Variants in RNF168 observed in about 807,000 individuals in gnomAD.
RNF168 encodes the protein E3 ubiquitin-protein ligase RNF168.
In RNF168, 34 loss-of-function variants were observed where a neutral mutation model predicts 34.9. The ratio of observed to expected loss-of-function variants is 0.97; its 90% confidence interval spans 0.74 to 1.30. The LOEUF (loss-of-function observed/expected upper bound fraction) is 1.30, where lower values mean the gene tolerates loss of function less well. Ranked by LOEUF, RNF168 falls within the 50% of genes most tolerant of loss-of-function variation. The probability of loss-of-function intolerance (pLI) is 0.00; values close to 1 mark genes in which losing one functional copy is unlikely to be tolerated. For missense variants in RNF168, 725 were observed against 682.5 expected (o/e 1.06, Z -0.69); for synonymous variants, 264 against 254.7 (o/e 1.04, Z -0.35).
rs759367353 is a variant in RNF168, at chr3:196,503,630, G to A, written c.-457C>T. ...GCTGCAGCATAACTTCCGCTTTACC[G>A]CTGCTGCGGGGGAGACGCGCGACTC... On this transcript the variant is annotated 5_prime_UTR_variant, in exon 1 of 6. Transcript: ENST00000318037. 5 of 223,038 alleles carry A rather than the reference G, an allele frequency of 2.2e-5. No individual in the cohort carries two copies. In the Admixed American group the frequency reaches 2.6e-4, roughly 12 times the overall value. The allele number at this position is 223,038 out of a possible 1,614,324, so 13.8% of individuals were successfully genotyped here. A position where few individuals can be genotyped will look rare whatever the true frequency, so the allele number is the denominator to read the frequency against.
At chr3:196,499,448 T>C (rs944731082) in intron 1 of RNF168, among the ~76,000 whole-genome samples, 1 of 152,194 alleles carries the variant, frequency 6.6e-6, no homozygotes, top group Non-Finnish European at 1.5e-5. Flanking sequence ...TCGTGGTACT[T>C]TGTTACAGTA....
At chr3:196,491,308 G>A (rs577557256) in intron 1 of RNF168, among the ~76,000 whole-genome samples, 11 of 151,630 alleles carry the variant, frequency 7.3e-5, no homozygotes, top group Middle Eastern at 3.4e-3. Flanking sequence ...GGGAGATTCC[G>A]TCTCAAAACA....
Position 196,500,542 on chromosome 3 carries a change from T to C in RNF168, c.301+2331A>G, listed in dbSNP as rs142066307. On this transcript the variant is annotated intron_variant, in intron 1 of 5. Transcript: ENST00000318037. ...GAGCCTCAAGGGTGTGGAAATTCAG[T>C]TTGGGAGGATTAAAAAGTTCTGGAG... is the stretch of plus-strand genomic sequence containing the variant. Among the ~76,000 whole-genome samples the C allele has an allele frequency of 1.0e-3, 156 of 152,198 alleles. 1 individual carries two copies. Among genetic ancestry groups the C allele is most frequent in the Non-Finnish European group, 2.0e-3 (134 of 68,008 alleles).
At chr3:196,479,621 C>T (rs181307733) in intron 4 of RNF168, among the ~76,000 whole-genome samples, 6 of 151,448 alleles carry the variant, frequency 4.0e-5, no homozygotes, top group Admixed American at 1.3e-4. Flanking sequence ...TTTTTTGAGA[C>T]GGACTATCGC....
chr3:196,488,750 A>C, intron 1 of RNF168, 67 bp from the exon 2 acceptor site: 1 of 991,084 alleles, frequency 1.0e-6, no homozygotes. Context: ...TTGGTCTTCC[A>C]TTAAAACGAA....
rs539679688 is a variant in RNF168, at chr3:196,488,280, G to A, written c.378+327C>T. On this transcript the variant is annotated intron_variant, in intron 2 of 5. Coordinates refer to ENST00000318037, the MANE Select transcript of RNF168 (RefSeq NM_152617.4). ...GCGGATCACAAGGTCAGGAGATCGAGACCATCCTGGTGAACACTGTGAAAC... is the reference window on the plus strand; with the variant it reads ...GCGGATCACAAGGTCAGGAGATCGAAACCATCCTGGTGAACACTGTGAAAC... Among the ~76,000 whole-genome samples, 7 of 152,164 alleles carry A rather than the reference G, an allele frequency of 4.6e-5. No individual in the cohort carries two copies. In the East Asian group the frequency reaches 1.4e-3, roughly 29 times the overall value.
chr3:196,477,616 T>G (rs1210563295), intron 4 of RNF168, among the ~76,000 whole-genome samples: 1 of 152,244 alleles, frequency 6.6e-6, no homozygotes, highest in Non-Finnish European at 1.5e-5. Context: ...GCGGGACCAC[T>G]ACTTACGAAG....
At position 196,503,373 on chromosome 3, in the gene RNF168, C is replaced by T. The variant is rs558454065; in HGVS notation, c.-200G>A. 3.3e-6 allele frequency: 2 copies of T among 604,606 alleles called. No individual in the cohort carries two copies. The highest frequency in any genetic ancestry group is 5.6e-5 in the East Asian group (2 of 35,484). 37.5% of individuals were successfully genotyped at this position (604,606 alleles called of 1,614,324 possible). A position where few individuals can be genotyped will look rare whatever the true frequency, so the allele number is the denominator to read the frequency against. ...CAGGGTCAGGCAAACAGGAATACCCCGGAGGGCGGCGTCTTTGTCCATTTT... is the reference window on the plus strand; with the variant it reads ...CAGGGTCAGGCAAACAGGAATACCCTGGAGGGCGGCGTCTTTGTCCATTTT... On this transcript the variant is annotated 5_prime_UTR_variant, in exon 1 of 6. Transcript: ENST00000318037.
chr3:196,488,518 G>T, intron 2 of RNF168, 89 bp downstream of exon 2: 4 of 754,404 alleles, frequency 5.3e-6, no homozygotes, highest in Non-Finnish European at 4.6e-6. Flanking sequence ...AGATATACTA[G>T]TTATATAAGC....
At chr3:196,499,155 A>AT (rs1732820241) in intron 1 of RNF168, among the ~76,000 whole-genome samples, 3 of 152,084 alleles carry the variant, frequency 2.0e-5, no homozygotes, top group African/African-American at 7.2e-5. Context: ...TTAATCCAAT[A>AT]TAACTAGTGT....
chr3:196,494,256 G>A (rs73219640), intron 1 of RNF168, among the ~76,000 whole-genome samples: 7,164 of 152,162 alleles, frequency 0.047, 260 homozygotes, highest in Middle Eastern at 0.17. Context: ...AACAACTCTC[G>A]ACACTCTTCA....
intron 4 of RNF168, among the ~76,000 whole-genome samples, chr3:196,477,977 T>C (rs1732186547): frequency 6.6e-6 from 1 of 151,862 alleles, no homozygotes; most frequent in South Asian, 2.1e-4. Flanking sequence ...CCAGCTACTC[T>C]GAAGGCTGAG....
chr3:196,502,047 A>C (rs1372395394), intron 1 of RNF168, among the ~76,000 whole-genome samples: 3 of 145,844 alleles, frequency 2.1e-5, no homozygotes, highest in African/African-American at 5.1e-5. Flanking sequence ...GTGACCAAAA[A>C]AAATTAGAAA....
chr3:196,483,208 C>T (rs1732339090), intron 4 of RNF168, among the ~76,000 whole-genome samples: 1 of 151,996 alleles, frequency 6.6e-6, no homozygotes, highest in Non-Finnish European at 1.5e-5. Context: ...GAGTTACCTG[C>T]ACATATTTCC....
At position 196,502,955 on chromosome 3, in the gene RNF168, G is replaced by A. The variant is rs374073484; in HGVS notation, c.219C>T (p.Asn73=). ...RYHTRRNSLV[N]VELWTIIQKH... is the part of the protein sequence containing the mutation. ...TTTGAATTATCGTCCACAGTTCCAC[G>A]TTGACGAGAGAATTTCTTCGGGTAT... The change falls in exon 1 of 6, where the codon AAC becomes AAT. Residue 73 remains asparagine, a synonymous_variant. Coordinates refer to ENST00000318037, the MANE Select transcript of RNF168 (RefSeq NM_152617.4). 2.5e-6 allele frequency: 4 copies of A among 1,614,000 alleles called. No individual in the cohort carries two copies. The highest frequency in any genetic ancestry group is 1.1e-5 in the South Asian group (1 of 91,080).
At chr3:196,498,800 G>C (rs1037987108) in intron 1 of RNF168, among the ~76,000 whole-genome samples, 1 of 152,080 alleles carries the variant, frequency 6.6e-6, no homozygotes, top group Admixed American at 6.5e-5. Context: ...TTCGACACCA[G>C]GCTGGGCAAC....
Position 196,483,909 on chromosome 3 carries a change from G to C in RNF168, c.559-18C>G. On this transcript the variant is annotated intron_variant, in intron 3 of 5. Transcript: ENST00000318037. ...AAATTGTTCTTCAACAATAGAAAAA[G>C]CATAACAGACATTATGAGAGAGAAC... 6.3e-7 allele frequency: 1 copy of C among 1,585,638 alleles called. No homozygotes were observed. Among genetic ancestry groups the C allele is most frequent in the Non-Finnish European group, 8.7e-7 (1 of 1,154,406 alleles).
Position 196,487,475 on chromosome 3 carries a change from G to C in RNF168, c.482C>G (p.Ala161Gly). ...TTCCATCGCTCTTCGCCTTTTTTCT[G>C]CCTGTCTTTTTTCCTCTTCTTCCTC... ...AEEEEEEKRQ[A>G]EKRRRAMEEQ... Residue 161 changes from alanine to glycine, a missense_variant, in exon 3 of 6, where the codon GCA becomes GGA. By Grantham distance (60) the Ala-to-Gly change is moderately conservative (BLOSUM62 0). Transcript: ENST00000318037. The C allele has an allele frequency of 6.2e-7, 1 of 1,613,930 alleles. No individual in the cohort carries two copies. The highest frequency in any genetic ancestry group is 8.5e-7 in the Non-Finnish European group (1 of 1,179,918).
At chr3:196,488,509 G>T in intron 2 of RNF168, 98 bp downstream of exon 2, 1 of 694,958 alleles carries the variant, frequency 1.4e-6, no homozygotes, top group Non-Finnish European at 2.5e-6. Flanking sequence ...CATATTTCAA[G>T]ATATACTAGT....
Sources: allele counts gnomAD v4.1 joint callset (sites outside exome capture counted in the v4.1 genomes callset), GRCh38; gene constraint gnomAD v4.1.1; transcripts MANE v1.5; gene names NCBI Gene and HGNC (gene_info 2026-07-23, HGNC 2026-07-21).